NBAS: variants seen among roughly 807,000 people sequenced by gnomAD.
NBAS encodes the protein NBAS subunit of NRZ tethering complex.
A neutral mutation model predicts 302.5 loss-of-function variants in NBAS; 219 were observed. The observed-to-expected ratio is 0.72, with a 90% CI of 0.65 to 0.81. NBAS has a LOEUF of 0.81. NBAS is among the 30% of genes least tolerant of loss of function. The pLI is 0.00. For missense variants in NBAS, 2,932 were observed against 2,841.6 expected (o/e 1.03, Z -0.72); for synonymous variants, 1,118 against 1,021.6 (o/e 1.09, Z -1.80).
At chr2:15,238,403 T>C in intron 45 of NBAS, 65 bp downstream of exon 45, 2 of 1,520,266 alleles carry the variant, frequency 1.3e-6, no homozygotes, top group East Asian at 2.3e-5. Context: ...CTAATGTAAC[T>C]TTCAAGGAAA....
intron 32 of NBAS, among the ~76,000 whole-genome samples, chr2:15,361,279 G>A (rs1179655275): frequency 3.3e-5 from 5 of 152,148 alleles, no homozygotes; most frequent in African/African-American, 9.7e-5. Context: ...TTGGGAGGCC[G>A]AGGTGGGTGG....
At chr2:15,463,077 A>G (rs939703847) in intron 19 of NBAS, among the ~76,000 whole-genome samples, 3 of 152,176 alleles carry the variant, frequency 2.0e-5, no homozygotes, top group East Asian at 1.9e-4. Context: ...GTTTGAGAAC[A>G]GCTTGGGCAA....
At chr2:14,938,818 T>C in the NBAS span, among the ~76,000 whole-genome samples, 1 of 152,230 alleles carries the variant, frequency 6.6e-6, no homozygotes, top group Admixed American at 6.5e-5. Flanking sequence ...GACCCCCTTC[T>C]CAGGCAACTA....
At position 15,190,313 on chromosome 2, in the gene NBAS, G is replaced by A; in HGVS notation, c.6523C>T (p.His2175Tyr). 1.2e-6 allele frequency: 2 copies of A among 1,613,944 alleles called. No homozygotes were observed. The highest frequency in any genetic ancestry group is 1.7e-6 in the Non-Finnish European group (2 of 1,179,916). Reference protein sequence around the residue: ...ESSHHEAEFQHLVLLLQAWPP... With the variant: ...ESSHHEAEFQYLVLLLQAWPP... ...CAAGCTTGCAAAAGTAAAACCAAGT[G>A]CTGAAATTCAGCCTCGTGGTGACTA... The change falls in exon 49 of 52, where the codon CAC becomes TAC. Residue 2175 changes from histidine to tyrosine, a missense_variant. His to Tyr is a moderately conservative substitution (Grantham distance 83). Coordinates refer to ENST00000281513, the MANE Select transcript of NBAS (RefSeq NM_015909.4).
chr2:15,311,425 C>T (rs1671270411), intron 38 of NBAS, among the ~76,000 whole-genome samples: 3 of 152,210 alleles, frequency 2.0e-5, no homozygotes, highest in East Asian at 3.9e-4. Context: ...AAACCACAGG[C>T]TTGAGTAAGC....
rs776449222 is a variant in NBAS at position 15,417,661 on chromosome 2, C to A, written c.2629G>T (p.Gly877Cys). 1.2e-6 allele frequency: 2 copies of A among 1,613,910 alleles called. No individual in the cohort carries two copies. The highest frequency in any genetic ancestry group is 1.7e-5 in the Admixed American group (1 of 60,018). Reference protein sequence around the residue: ...IRLGMERNIPGLLVLCDNLVT... With the variant: ...IRLGMERNIPCLLVLCDNLVT... The stretch of plus-strand genomic sequence containing the variant: ...AAATTGTCACAGAGAACCAGCAAAC[C>A]AGGAATATTCCGCTCCATCCCAAGT... The change falls in exon 24 of 52, where the codon GGT (glycine) becomes TGT (cysteine). Residue 877 changes from glycine (G) to cysteine (C), a missense_variant. Physicochemically the swap from Gly to Cys is radical, Grantham distance 159. Transcript: ENST00000281513.
chr2:14,872,977 G>A, the NBAS span, among the ~76,000 whole-genome samples: 5,687 of 152,320 alleles, frequency 0.037, 154 homozygotes, highest in Non-Finnish European at 0.055. Flanking sequence ...CGCAGACCCA[G>A]TGAGCAGCAG....
In NBAS at chr2:15,218,759, A is replaced by G; in HGVS notation, c.6432+14T>C. 6.2e-7 allele frequency: 1 copy of G among 1,614,180 alleles called. No individual in the cohort carries two copies. Among genetic ancestry groups the G allele is most frequent in the Non-Finnish European group, 8.5e-7 (1 of 1,179,970 alleles). ...TTGTTAGTAAGAAAAATAATCATTC[A>G]GACACTCCCTTACCTGTCTCTGGGG... is the stretch of plus-strand genomic sequence containing the variant. On this transcript the variant is annotated intron_variant, in intron 48 of 51. Transcript: ENST00000281513.
chr2:15,227,663 G>T (rs1014998710), intron 47 of NBAS, among the ~76,000 whole-genome samples: 7 of 152,050 alleles, frequency 4.6e-5, no homozygotes, highest in African/African-American at 1.7e-4. Context: ...ACATAATAGA[G>T]AACCCCAAAA....
the NBAS span, among the ~76,000 whole-genome samples, chr2:14,822,398 G>A: frequency 6.6e-6 from 1 of 152,158 alleles, no homozygotes; most frequent in Non-Finnish European, 1.5e-5. Context: ...GGAAGCTGAA[G>A]ATCACTGATA....
rs2148304127 is a variant in NBAS at position 15,353,675 on chromosome 2, C to G, written c.3967G>C (p.Gly1323Arg). 1.2e-6 allele frequency: 2 copies of G among 1,613,986 alleles called. No individual in the cohort carries two copies. Among genetic ancestry groups the G allele is most frequent in the Non-Finnish European group, 1.7e-6 (2 of 1,179,938 alleles). The part of the protein sequence containing the change: ...PKSWDVCSQL[G>R]QSEGYQDLAT... Reference sequence around the variant, plus strand: ...AAGTCCTGGTAACCTTCTGATTGTCCTAACTGGCTACAAACATCCCAACTT... The same window carrying G: ...AAGTCCTGGTAACCTTCTGATTGTCGTAACTGGCTACAAACATCCCAACTT... Residue 1323 changes from glycine (G) to arginine (R), a missense_variant, in exon 34 of 52, where the codon GGA becomes CGA. Gly to Arg is a moderately radical substitution (Grantham distance 125, BLOSUM62 -2). Coordinates refer to ENST00000281513, the MANE Select transcript of NBAS (RefSeq NM_015909.4).
In NBAS at chr2:15,467,723, A is replaced by C; in HGVS notation, c.1959T>G (p.Asn653Lys). The part of the protein sequence containing the change: ...LSPPDEEPAK[N>K]KKEKELKKRQ... ...TCTTCTTGAGCTCCTTTTCCTTTTT[A>C]TTCTTGGCAGGCTCTTCATCAGGTG... Residue 653 changes from asparagine (N) to lysine (K), a missense_variant, in exon 18 of 52, where the codon AAT becomes AAG. Asn to Lys is a moderately conservative substitution (Grantham distance 94). Coordinates refer to ENST00000281513, the MANE Select transcript of NBAS (RefSeq NM_015909.4). 2 of 1,610,408 alleles carry C rather than the reference A, an allele frequency of 1.2e-6. No homozygotes were observed. Among genetic ancestry groups the C allele is most frequent in the Non-Finnish European group, 1.7e-6 (2 of 1,176,954 alleles).
At chr2:15,259,263 C>A (rs923224594) in intron 44 of NBAS, among the ~76,000 whole-genome samples, 2 of 152,234 alleles carry the variant, frequency 1.3e-5, no homozygotes, top group South Asian at 4.1e-4. Flanking sequence ...AATTGCATTA[C>A]AATAAAATTA....
chr2:15,406,692 A>C (rs982535955), intron 25 of NBAS, among the ~76,000 whole-genome samples: 1 of 152,316 alleles, frequency 6.6e-6, no homozygotes, highest in African/African-American at 2.4e-5. Context: ...AGAATTCCTA[A>C]AAATTAAGGT....
chr2:15,276,826 T>A, intron 43 of NBAS, 25 bp downstream of exon 43: 6 of 1,613,768 alleles, frequency 3.7e-6, no homozygotes, highest in Non-Finnish European at 5.1e-6. Flanking sequence ...AAGAATGAAT[T>A]CAAGCAGGGA....
intron 40 of NBAS, among the ~76,000 whole-genome samples, chr2:15,307,461 T>C (rs1671080581): frequency 6.6e-6 from 1 of 152,222 alleles, no homozygotes; most frequent in Admixed American, 6.5e-5. Flanking sequence ...GGAAGAATCC[T>C]GCCTCAATAA....
chr2:15,135,233 G>A, the NBAS span, among the ~76,000 whole-genome samples: 4 of 152,202 alleles, frequency 2.6e-5, no homozygotes, highest in Non-Finnish European at 5.9e-5. Context: ...GGCCTGGGGG[G>A]AGGCTGGGAT....
At chr2:15,440,296 T>G (rs1465323233) in intron 21 of NBAS, among the ~76,000 whole-genome samples, 1 of 152,072 alleles carries the variant, frequency 6.6e-6, no homozygotes, top group African/African-American at 2.4e-5. Context: ...GGCCCGGTAC[T>G]CCGCTGAGAC....
the NBAS span, among the ~76,000 whole-genome samples, chr2:14,809,730 G>A: frequency 6.6e-6 from 1 of 152,140 alleles, no homozygotes; most frequent in Non-Finnish European, 1.5e-5. Flanking sequence ...CTGTTCTCCA[G>A]ACCCCCAAAT....
Sources: allele counts gnomAD v4.1 joint callset (sites outside exome capture counted in the v4.1 genomes callset), GRCh38; gene constraint gnomAD v4.1.1; transcripts MANE v1.5; gene names NCBI Gene and HGNC (gene_info 2026-07-23, HGNC 2026-07-21).